Variants in OR10A3 observed in about 807,000 individuals in gnomAD.
The protein encoded by OR10A3 is olfactory receptor family 10 subfamily A member 3.
Under a neutral mutation model 1.5 loss-of-function variants are expected in OR10A3, and 1 was observed. That is an observed-to-expected ratio of 0.66 (90% CI 0.23 to 3.11). OR10A3 has a LOEUF of 3.11. Ranked by LOEUF, OR10A3 falls within the 30% of genes most tolerant of loss-of-function variation. The probability of loss-of-function intolerance (pLI) is 0.21; values close to 1 mark genes in which losing one functional copy is unlikely to be tolerated. For synonymous variants in OR10A3, 145 were observed against 143.7 expected (o/e 1.01, Z -0.06); for missense variants, 398 against 369.7 (o/e 1.08, Z -0.63).
intron 1 of OR10A3, among the ~76,000 whole-genome samples, chr11:7,940,310 G>C (rs2133622254): frequency 6.6e-6 from 1 of 152,170 alleles, no homozygotes. Flanking sequence ...GCCACTCTCA[G>C]GGCAAAGCGA....
rs564216024 is a variant in OR10A3 at position 7,937,766 on chromosome 11, C to T, written c.*810G>A. The T allele has an allele frequency of 5.3e-5, 8 of 152,084 alleles. No homozygotes were observed. Among genetic ancestry groups the T allele is most frequent in the African/African-American group, 1.9e-4 (8 of 41,406 alleles). 9.4% of individuals were successfully genotyped at this position (152,084 alleles called of 1,614,324 possible). A position where few individuals can be genotyped will look rare whatever the true frequency, so the allele number is the denominator to read the frequency against. The stretch of plus-strand genomic sequence containing the variant: ...CAAATTTTCAATCCAAAAATAGAAA[C>T]ATCATCACCTTATTTGTTGGTCTCT... On this transcript the variant is annotated 3_prime_UTR_variant, in exon 2 of 2. Coordinates refer to ENST00000642047, the MANE Select transcript of OR10A3 (RefSeq NM_001003745.2).
At position 7,937,811 on chromosome 11, in the gene OR10A3, C is replaced by G. The variant is rs566646829; in HGVS notation, c.*765G>C. ...GTCTCTTGAAGCTCTACCCTGTTAC[C>G]AAAGCACAGTGAGCCTTCAGGCCAG... On this transcript the variant is annotated 3_prime_UTR_variant, in exon 2 of 2. Coordinates refer to ENST00000642047, the MANE Select transcript of OR10A3 (RefSeq NM_001003745.2). 10 of 152,274 alleles carry G rather than the reference C, an allele frequency of 6.6e-5. No homozygotes were observed. Among genetic ancestry groups the G allele is most frequent in the African/African-American group, 2.2e-4 (9 of 41,542 alleles). 9.4% of individuals were successfully genotyped at this position (152,274 alleles called of 1,614,324 possible). A position where few individuals can be genotyped will look rare whatever the true frequency, so the allele number is the denominator to read the frequency against.
At position 7,938,953 on chromosome 11, in the gene OR10A3, C is replaced by T; in HGVS notation, c.568G>A (p.Ala190Thr). The change falls in exon 2 of 2, where the codon GCA becomes ACA. Residue 190 changes from alanine to threonine, a missense_variant. By Grantham distance (58) the Ala-to-Thr change is moderately conservative (BLOSUM62 0). Transcript: ENST00000642047. ...ETPPVLELVC[A>T]DTFLFEIYAF... ...TAGATTTCAAATAAGAAGGTGTCTG[C>T]ACACACAAGCTCTAGTACCGGGGGA... 6.2e-7 allele frequency: 1 copy of T among 1,614,108 alleles called. No homozygotes were observed. The highest frequency in any genetic ancestry group is 2.2e-5 in the East Asian group (1 of 44,872).
intron 1 of OR10A3, among the ~76,000 whole-genome samples, chr11:7,940,354 T>A (rs1941426349): frequency 6.6e-6 from 1 of 152,108 alleles, no homozygotes; most frequent in African/African-American, 2.4e-5. Context: ...AGAGCAACAA[T>A]CCTTGTCTCC....
Position 7,938,745 on chromosome 11 carries a change from T to C in OR10A3, c.776A>G (p.Tyr259Cys), listed in dbSNP as rs1182913223. The C allele has an allele frequency of 6.2e-7, 1 of 1,614,144 alleles. No homozygotes were observed. The highest frequency in any genetic ancestry group is 1.7e-5 in the Admixed American group (1 of 60,016). Residue 259 changes from tyrosine (Y) to cysteine (C), a missense_variant, in exon 2 of 2, where the codon TAT becomes TGT. Physicochemically the swap from Tyr to Cys is radical, Grantham distance 194. Coordinates refer to ENST00000642047, the MANE Select transcript of OR10A3 (RefSeq NM_001003745.2). ...TLFYGTANMT[Y>C]LQPKSGYSPE... is the part of the protein sequence containing the mutation. ...TGAGTAGCCAGATTTGGGTTGTAAA[T>C]AAGTCATATTGGCTGTGCCATAGAA... is the stretch of plus-strand genomic sequence containing the variant.
chr11:7,939,086 T>G lies in OR10A3; in HGVS notation c.435A>C (p.Val145=). The G allele has an allele frequency of 6.2e-7, 1 of 1,613,946 alleles. No homozygotes were observed. The part of the protein sequence containing the change: ...IMNRGVFMKL[V]IFSWISGIMV... The stretch of plus-strand genomic sequence containing the variant: ...TGATCCCTGAGATCCATGAGAATAT[T>G]ACTAATTTCATAAAAACCCCTCTGT... The change falls in exon 2 of 2, where the codon GTA becomes GTC. Residue 145 remains valine (V), a synonymous_variant. Transcript: ENST00000642047.
rs1238826156 is a variant in OR10A3, at chr11:7,937,953, T to C, written c.*623A>G. The C allele has an allele frequency of 6.6e-6, 1 of 152,532 alleles. No homozygotes were observed. Among genetic ancestry groups the C allele is most frequent in the East Asian group, 1.9e-4 (1 of 5,192 alleles). The allele number at this position is 152,532 out of a possible 1,614,324, so 9.4% of individuals were successfully genotyped here. On this transcript the variant is annotated 3_prime_UTR_variant, in exon 2 of 2. Transcript: ENST00000642047. ...TAGCAAATCTATCACACAGGTATAA[T>C]GACATCAGTACATATGAGCATATGG...
intron 1 of OR10A3, among the ~76,000 whole-genome samples, chr11:7,940,447 GC>G (rs1270834326): frequency 2.0e-5 from 3 of 151,900 alleles, no homozygotes; most frequent in Non-Finnish European, 2.9e-5. Context: ...CCGCTGACAC[GC>G]TCCACCTCAC....
chr11:7,939,008 G>A lies in OR10A3; in HGVS notation c.513C>T (p.Pro171=). ...TWVFSFPFCG[P]NEINHLFCET... ...CACAGAAGAGATGATTAATTTCATT[G>A]GGGCCACAAAATGGAAAACTAAATA... Residue 171 remains proline (P), a synonymous_variant, in exon 2 of 2, where the codon CCC becomes CCT. Transcript: ENST00000642047. 6.2e-7 allele frequency: 1 copy of A among 1,614,106 alleles called. No homozygotes were observed.
rs1941370283 is a variant in OR10A3 at position 7,937,405 on chromosome 11, A to C, written c.*1171T>G. 6.6e-6 allele frequency: 1 copy of C among 152,228 alleles called. No individual in the cohort carries two copies. Among genetic ancestry groups the C allele is most frequent in the Non-Finnish European group, 1.5e-5 (1 of 68,044 alleles). The allele number at this position is 152,228 out of a possible 1,614,324, so 9.4% of individuals were successfully genotyped here. A position where few individuals can be genotyped will look rare whatever the true frequency, so the allele number is the denominator to read the frequency against. On this transcript the variant is annotated 3_prime_UTR_variant, in exon 2 of 2. Transcript: ENST00000642047. ...GCTATCTATTTAGGAACAAAAGGAA[A>C]GGCAATTTTTTTGCCTGAGCCAGTT... is the stretch of plus-strand genomic sequence containing the variant.
In OR10A3 at chr11:7,938,323, G is replaced by T. The variant is rs1035933018; in HGVS notation, c.*253C>A. The T allele has an allele frequency of 7.5e-5, 22 of 293,568 alleles. No individual in the cohort carries two copies. The highest frequency in any genetic ancestry group is 9.8e-5 in the Non-Finnish European group (16 of 163,384). The allele number at this position is 293,568 out of a possible 1,614,324, so 18.2% of individuals were successfully genotyped here. A position where few individuals can be genotyped will look rare whatever the true frequency, so the allele number is the denominator to read the frequency against. On this transcript the variant is annotated 3_prime_UTR_variant, in exon 2 of 2. Coordinates refer to ENST00000642047, the MANE Select transcript of OR10A3 (RefSeq NM_001003745.2). ...TCTCAAAAAAAAAAAAAAAAAAAAT[G>T]ACAGTAATCCAGTAGCTACTTGGAT...
At chr11:7,940,752 G>T (rs1941430467) in intron 1 of OR10A3, among the ~76,000 whole-genome samples, 1 of 152,242 alleles carries the variant, frequency 6.6e-6, no homozygotes, top group Non-Finnish European at 1.5e-5. Flanking sequence ...AGATGACAAG[G>T]GTGGAAGGTC....
In OR10A3 at chr11:7,938,402, A is replaced by G. The variant is rs1941386181; in HGVS notation, c.*174T>C. 6.9e-6 allele frequency: 4 copies of G among 583,622 alleles called. No individual in the cohort carries two copies. The highest frequency in any genetic ancestry group is 5.6e-5 in the African/African-American group (3 of 53,786). The allele number at this position is 583,622 out of a possible 1,614,324, so 36.2% of individuals were successfully genotyped here. ...CTGTTGTGTCATGTTATGAGAACAT[A>G]TGTATCTACTAAAAACAAGTGACAG... is the stretch of plus-strand genomic sequence containing the variant. On this transcript the variant is annotated 3_prime_UTR_variant, in exon 2 of 2. Coordinates refer to ENST00000642047, the MANE Select transcript of OR10A3 (RefSeq NM_001003745.2).
chr11:7,938,443 A>AG lies in OR10A3; in HGVS notation c.*132_*133insC. On this transcript the variant is annotated 3_prime_UTR_variant, in exon 2 of 2. Coordinates refer to ENST00000642047, the MANE Select transcript of OR10A3 (RefSeq NM_001003745.2). ...CAAGTGACAGCAGTTCTTTATTGAG[A>AG]TACGTTTTCCAATAAAAAAACTCAA... 1 of 657,338 alleles carries AG rather than the reference A, an allele frequency of 1.5e-6. No homozygotes were observed. The highest frequency in any genetic ancestry group is 2.6e-6 in the Non-Finnish European group (1 of 390,640). The allele number at this position is 657,338 out of a possible 1,614,324, so 40.7% of individuals were successfully genotyped here. A position where few individuals can be genotyped will look rare whatever the true frequency, so the allele number is the denominator to read the frequency against.
chr11:7,938,837 C>T lies in OR10A3; in HGVS notation c.684G>A (p.Met228Ile), dbSNP rs1234917210. The T allele has an allele frequency of 1.2e-6, 2 of 1,614,010 alleles. No homozygotes were observed. Among genetic ancestry groups the T allele is most frequent in the Non-Finnish European group, 1.7e-6 (2 of 1,180,026 alleles). ...YIRVLFAILK[M>I]PSTTGRQKAF... The stretch of plus-strand genomic sequence containing the variant: ...CCTTTTGTCTCCCAGTAGTTGATGG[C>T]ATCTTCAGGATGGCAAACAGAACTC... Residue 228 changes from methionine to isoleucine, a missense_variant, in exon 2 of 2, where the codon ATG becomes ATA. By Grantham distance (10) the Met-to-Ile change is conservative (BLOSUM62 1). Transcript: ENST00000642047.
At position 7,938,443 on chromosome 11, in the gene OR10A3, A is replaced by G; in HGVS notation, c.*133T>C. 3.0e-6 allele frequency: 2 copies of G among 657,338 alleles called. No individual in the cohort carries two copies. Among genetic ancestry groups the G allele is most frequent in the Non-Finnish European group, 5.1e-6 (2 of 390,640 alleles). 40.7% of individuals were successfully genotyped at this position (657,338 alleles called of 1,614,324 possible). ...CAAGTGACAGCAGTTCTTTATTGAG[A>G]TACGTTTTCCAATAAAAAAACTCAA... is the stretch of plus-strand genomic sequence containing the variant. On this transcript the variant is annotated 3_prime_UTR_variant, in exon 2 of 2. Coordinates refer to ENST00000642047, the MANE Select transcript of OR10A3 (RefSeq NM_001003745.2).
chr11:7,938,608 A>G lies in OR10A3; in HGVS notation c.913T>C (p.Trp305Arg). ...GTGTGTAAAATCACTTTTCTTCGCC[A>G]TAGTTTTATCAAAGTCCTCTTCATC... ...SEMKRTLIKLWRRKVILHTF is the reference protein window; with the variant it reads ...SEMKRTLIKLRRRKVILHTF The change falls in exon 2 of 2, where the codon TGG becomes CGG. Residue 305 changes from tryptophan (W) to arginine (R), a missense_variant. Transcript: ENST00000642047. 1 of 1,613,012 alleles carries G rather than the reference A, an allele frequency of 6.2e-7. No homozygotes were observed. The highest frequency in any genetic ancestry group is 8.5e-7 in the Non-Finnish European group (1 of 1,179,664).
At position 7,941,706 on chromosome 11, in the gene OR10A3, C is replaced by T. The variant is rs1941444832; in HGVS notation, c.-298G>A. ...TCAGATCCTTATCTATTCACTGTCC[C>T]TGATTTTCATCCCATTTATGTTTTA... On this transcript the variant is annotated 5_prime_UTR_variant, in exon 1 of 2. Transcript: ENST00000642047. 6.6e-6 allele frequency: 1 copy of T among 152,140 alleles called. No homozygotes were observed. Among genetic ancestry groups the T allele is most frequent in the Non-Finnish European group, 1.5e-5 (1 of 68,022 alleles). The allele number at this position is 152,140 out of a possible 1,614,324, so 9.4% of individuals were successfully genotyped here. A position where few individuals can be genotyped will look rare whatever the true frequency, so the allele number is the denominator to read the frequency against.
chr11:7,940,431 C>T (rs1297746778), intron 1 of OR10A3, among the ~76,000 whole-genome samples: 1 of 152,134 alleles, frequency 6.6e-6, no homozygotes, highest in African/African-American at 2.4e-5. Context: ...CCTCACGAGT[C>T]CATCCCCGCT....
Sources: gnomAD v4.1 joint callset for allele counts (sites outside exome capture counted in the v4.1 genomes callset) on GRCh38, gnomAD v4.1.1 for gene constraint, MANE v1.5 for transcripts, NCBI Gene and HGNC (gene_info 2026-07-23, HGNC 2026-07-21) for gene names.